Variants in PRDM11 observed in about 807,000 individuals in gnomAD.
PRDM11 encodes the protein PR/SET domain 11.
A neutral mutation model predicts 97.8 loss-of-function variants in PRDM11; 20 were observed. The observed-to-expected ratio is 0.20, with a 90% CI of 0.14 to 0.30. The LOEUF (loss-of-function observed/expected upper bound fraction) is 0.30. Ranked by LOEUF, PRDM11 falls within the 10% of genes least tolerant of loss-of-function variation. The pLI, the probability that PRDM11 is intolerant of heterozygous loss-of-function variation, is 1.00. For synonymous variants in PRDM11, 599 were observed against 637.7 expected (o/e 0.94, Z 0.91); for missense variants, 1,139 against 1,555.2 (o/e 0.73, Z 4.50).
chr11:45,115,368 G>C (rs1379492021), intron 1 of PRDM11, among the ~76,000 whole-genome samples: 2 of 151,526 alleles, frequency 1.3e-5, no homozygotes, highest in Admixed American at 1.3e-4. Context: ...TAACTCAAAA[G>C]AAAACAAAAA....
chr11:45,162,036 G>T (rs1189374872), intron 1 of PRDM11, among the ~76,000 whole-genome samples: 2 of 152,252 alleles, frequency 1.3e-5, no homozygotes, highest in African/African-American at 4.8e-5. Flanking sequence ...CACACAGCTT[G>T]GCCTCCTGCC....
chr11:45,218,092 T>C (rs1165751858), intron 5 of PRDM11, among the ~76,000 whole-genome samples: 1 of 152,238 alleles, frequency 6.6e-6, no homozygotes, highest in Non-Finnish European at 1.5e-5. Context: ...AACATTTTTC[T>C]ATAGATGAAT....
intron 5 of PRDM11, chr11:45,213,519 CG>C (rs2135824614): frequency 2.2e-6 from 1 of 456,406 alleles, no homozygotes; most frequent in Admixed American, 2.3e-5. Context: ...CTCCCTTGCC[CG>C]GGGGTGGTGC....
rs575040606 is a variant in PRDM11 at position 45,163,888 on chromosome 11, G to C, written c.-7+17011G>C. 2.0e-5 allele frequency among the ~76,000 whole-genome samples: 3 copies of C among 152,328 alleles called. No individual in the cohort carries two copies. In the East Asian group the frequency reaches 5.8e-4, roughly 29 times the overall value. ...TCTGGTGTTGGATGGTCCTGAGACT[G>C]TGAAAAGCACATGACGGTGTGGTGG... is the stretch of plus-strand genomic sequence containing the variant. On this transcript the variant is annotated intron_variant, in intron 1 of 7. Transcript: ENST00000683152.
At chr11:45,149,914 C>T (rs1851618319) in intron 1 of PRDM11, among the ~76,000 whole-genome samples, 1 of 152,212 alleles carries the variant, frequency 6.6e-6, no homozygotes, top group Admixed American at 6.5e-5. Context: ...GGCAGAGAGA[C>T]AAGTAGTGCA....
chr11:45,145,951 G>A (rs1045530511), upstream of PRDM11, among the ~76,000 whole-genome samples: 1 of 152,138 alleles, frequency 6.6e-6, no homozygotes, highest in Non-Finnish European at 1.5e-5. Context: ...TCGAGCAAGT[G>A]AATGCCGCTT....
At chr11:45,119,619 C>CAAAAAAAAAA (rs56367204) in intron 1 of PRDM11, among the ~76,000 whole-genome samples, 6 of 43,060 alleles carry the variant, frequency 1.4e-4, no homozygotes, top group African/African-American at 8.0e-4. Context: ...GATTCTGTCT[C>CAAAAAAAAAA]AAAAAAAAAA....
chr11:45,146,528 C>T (rs905289164), upstream of PRDM11: 1 of 151,834 alleles, frequency 6.6e-6, no homozygotes, highest in Non-Finnish European at 1.5e-5. Flanking sequence ...CTAAGGGGCC[C>T]CGGGAGTTTT....
intron 5 of PRDM11, chr11:45,212,761 C>G (rs1375199731): frequency 4.4e-6 from 2 of 456,444 alleles, no homozygotes; most frequent in Admixed American, 4.7e-5. Flanking sequence ...GGCAGTTCTG[C>G]CAGGAGCTGG....
In PRDM11 at chr11:45,226,110, G is replaced by T. The variant is rs1469206572; in HGVS notation, c.1485G>T (p.Lys495Asn). Residue 495 changes from lysine to asparagine, a missense_variant, in exon 8 of 8, where the codon AAG (lysine) becomes AAT (asparagine). Transcript: ENST00000683152. ...DMMTATDEPS[K>N]MSSATGRRIR... is the part of the protein sequence containing the mutation. ...TGACAGCGACGGATGAGCCCTCCAAGATGTCATCGGCCACCGGGCGCCGAA... is the reference window on the plus strand; with the variant it reads ...TGACAGCGACGGATGAGCCCTCCAATATGTCATCGGCCACCGGGCGCCGAA... 2.6e-6 allele frequency: 4 copies of T among 1,533,078 alleles called. No individual in the cohort carries two copies. The highest frequency in any genetic ancestry group is 2.4e-5 in the South Asian group (2 of 83,970). 95.0% of individuals were successfully genotyped at this position (1,533,078 alleles called of 1,614,324 possible). A position where few individuals can be genotyped will look rare whatever the true frequency, so the allele number is the denominator to read the frequency against.
chr11:45,109,185 G>A (rs1191161783), intron 1 of PRDM11, among the ~76,000 whole-genome samples: 2 of 152,148 alleles, frequency 1.3e-5, no homozygotes, highest in African/African-American at 2.4e-5. Context: ...TCCTATTTCT[G>A]TCCCTCTGAA....
intron 1 of PRDM11, among the ~76,000 whole-genome samples, chr11:45,175,029 A>G (rs1852293423): frequency 6.6e-6 from 1 of 152,216 alleles, no homozygotes; most frequent in Non-Finnish European, 1.5e-5. Context: ...CTGAGCAGAA[A>G]CTAGAGTTCC....
At chr11:45,192,679 G>A (rs1221205902) in intron 4 of PRDM11, among the ~76,000 whole-genome samples, 2 of 152,316 alleles carry the variant, frequency 1.3e-5, no homozygotes, top group South Asian at 2.1e-4. Context: ...CACCTGAACA[G>A]TGTTAAGTTC....
At chr11:45,136,363 T>C (rs993260439) in intron 1 of PRDM11, among the ~76,000 whole-genome samples, 1 of 152,018 alleles carries the variant, frequency 6.6e-6, no homozygotes, top group African/African-American at 2.4e-5. Context: ...AAGGTGTCCA[T>C]CTCCTTCTCC....
At chr11:45,094,828 AGGG>A (rs1851865212), upstream of PRDM11, among the ~76,000 whole-genome samples, 6 of 94,698 alleles carry the variant, frequency 6.3e-5, no homozygotes, top group African/African-American at 3.9e-4. Context: ...GAGAGAAGGA[AGGG>A]AGGAAGGAGG....
rs1852171559 is a variant in PRDM11, at chr11:45,111,216, T to TGGG, written c.96+15315_96+15316insGGG. Among the ~76,000 whole-genome samples the TGGG allele has an allele frequency of 1.7e-5, 2 of 115,990 alleles. 1 individual carries two copies. The highest frequency in any genetic ancestry group is 4.5e-5 in the Non-Finnish European group (2 of 44,398). The allele number at this position is 115,990 out of a possible 152,430, so 76.1% of individuals were successfully genotyped here. ...GAAGATTTATCTTTCTTACAATCCA[T>TGGG]CCCACCCTGTCCCTCCACCACTTCC... On this transcript the variant is annotated intron_variant, in intron 1 of 6. Coordinates refer to the PRDM11 transcript ENST00000530656.
intron 1 of PRDM11, among the ~76,000 whole-genome samples, chr11:45,113,530 G>T (rs1431181022): frequency 6.6e-6 from 1 of 152,072 alleles, no homozygotes; most frequent in African/African-American, 2.4e-5. Context: ...TCTGTAGATT[G>T]CTTTGGGCAG....
In PRDM11 at chr11:45,219,842, A is replaced by T; in HGVS notation, c.742+85A>T. 7.0e-7 allele frequency: 1 copy of T among 1,424,260 alleles called. No homozygotes were observed. The highest frequency in any genetic ancestry group is 1.8e-4 in the Middle Eastern group (1 of 5,448). The allele number at this position is 1,424,260 out of a possible 1,614,324, so 88.2% of individuals were successfully genotyped here. A position where few individuals can be genotyped will look rare whatever the true frequency, so the allele number is the denominator to read the frequency against. On this transcript the variant is annotated intron_variant, in intron 6 of 7. Coordinates refer to ENST00000683152, the MANE Select transcript of PRDM11 (RefSeq NM_001384648.1). The surrounding 1 kb of genome is among the most constrained non-coding windows in gnomAD (Gnocchi z 4.2). ...AGCTTGTTTTGGAGCTTCCTGAGAAATACGGTTCCCAGCAATGGGAAGACC... is the reference window on the plus strand; with the variant it reads ...AGCTTGTTTTGGAGCTTCCTGAGAATTACGGTTCCCAGCAATGGGAAGACC...
chr11:45,180,673 G>A (rs1473034884), intron 1 of PRDM11, among the ~76,000 whole-genome samples: 2 of 150,240 alleles, frequency 1.3e-5, no homozygotes, highest in African/African-American at 2.4e-5. Flanking sequence ...CCTGGCGGGC[G>A]GGGGGCGGGC....
Sources: gnomAD v4.1 joint callset for allele counts (sites outside exome capture counted in the v4.1 genomes callset) on GRCh38, gnomAD v4.1.1 for gene constraint, Gnocchi (gnomAD v3.1) non-coding constraint, MANE v1.5 for transcripts, NCBI Gene and HGNC (gene_info 2026-07-23, HGNC 2026-07-21) for gene names.